The following PTPRD variants were observed in gnomAD, a reference collection of about 807,000 sequenced individuals.
PTPRD encodes receptor-type tyrosine-protein phosphatase delta.
In PTPRD, 34 loss-of-function variants were observed where a neutral mutation model predicts 214.5. The observed-to-expected ratio is 0.16, with a 90% CI of 0.12 to 0.21. The LOEUF is 0.21. Ranked by LOEUF, PTPRD falls within the 10% of genes least tolerant of loss-of-function variation. The probability of loss-of-function intolerance (pLI) is 1.00; values close to 1 mark genes in which losing one functional copy is unlikely to be tolerated. For missense variants in PTPRD, 2,545 were observed against 2,398.7 expected, an observed-to-expected ratio of 1.06 and a Z score of -1.27; for synonymous variants, 1,128 against 845.7, an observed-to-expected ratio of 1.33 and a Z score of -5.79.
At chr9:9,859,767 G>C (rs2062314120) in intron 5 of PTPRD, among the ~76,000 whole-genome samples, 1 of 152,114 alleles carries the variant, frequency 6.6e-6, no homozygotes, top group African/African-American at 2.4e-5. Flanking sequence ...TCAGACTCTG[G>C]AATACGGTAT....
intron 4 of PTPRD, among the ~76,000 whole-genome samples, chr9:9,973,137 G>A (rs1018907777): frequency 2.0e-5 from 3 of 151,744 alleles, no homozygotes; most frequent in African/African-American, 7.3e-5. Flanking sequence ...TCTCCAACAG[G>A]GTTAACTTTT....
At chr9:10,006,626 T>C (rs1480485879) in intron 4 of PTPRD, among the ~76,000 whole-genome samples, 1 of 151,934 alleles carries the variant, frequency 6.6e-6, no homozygotes, top group Non-Finnish European at 1.5e-5. Flanking sequence ...GCAGGGTGTG[T>C]CCCTATGTCA....
At chr9:9,051,430 A>G (rs1054218327) in intron 10 of PTPRD, among the ~76,000 whole-genome samples, 1 of 152,180 alleles carries the variant, frequency 6.6e-6, no homozygotes, top group African/African-American at 2.4e-5. Context: ...GCATATCTCT[A>G]CATGCATTGA....
At chr9:8,323,183 A>G (rs73428153) in intron 44 of PTPRD, among the ~76,000 whole-genome samples, 1 of 152,174 alleles carries the variant, frequency 6.6e-6, no homozygotes, top group African/African-American at 2.4e-5. Flanking sequence ...CCTACTGCTT[A>G]GAATAAAAGA....
At chr9:9,837,911 C>G (rs1249561230) in intron 5 of PTPRD, among the ~76,000 whole-genome samples, 1 of 152,140 alleles carries the variant, frequency 6.6e-6, no homozygotes, top group African/African-American at 2.4e-5. Flanking sequence ...AATGTTATCC[C>G]TCCCCACTCC....
intron 26 of PTPRD, among the ~76,000 whole-genome samples, chr9:8,493,341 C>T (rs868851848): frequency 6.6e-6 from 1 of 152,164 alleles, no homozygotes; most frequent in Non-Finnish European, 1.5e-5. Flanking sequence ...TATAATAGGA[C>T]CCCATAGGAT....
chr9:8,527,631 T>C (rs924528717), intron 15 of PTPRD, among the ~76,000 whole-genome samples: 10 of 152,138 alleles, frequency 6.6e-5, no homozygotes, highest in African/African-American at 2.4e-4. Context: ...TAGAATTCTA[T>C]ACCAATATTA....
intron 9 of PTPRD, among the ~76,000 whole-genome samples, chr9:9,286,870 C>CTGAA (rs142056981): frequency 0.021 from 1,561 of 73,658 alleles, 140 homozygotes; most frequent in Non-Finnish European, 0.034. Context: ...CTTGAAACTA[C>CTGAA]TGAATATATA....
At chr9:9,907,361 G>A (rs1601705283) in intron 5 of PTPRD, among the ~76,000 whole-genome samples, 2 of 152,008 alleles carry the variant, frequency 1.3e-5, no homozygotes, top group South Asian at 2.1e-4. Context: ...GGTGGCTGAA[G>A]CAATAGAAAT....
At chr9:8,448,402 C>G (rs2095818558) in intron 34 of PTPRD, among the ~76,000 whole-genome samples, 2 of 152,080 alleles carry the variant, frequency 1.3e-5, no homozygotes, top group South Asian at 4.1e-4. Context: ...TAGTATCCAC[C>G]TATTTCAAAA....
intron 9 of PTPRD, among the ~76,000 whole-genome samples, chr9:9,389,056 G>C (rs915189102): frequency 1.1e-4 from 16 of 152,214 alleles, no homozygotes; most frequent in African/African-American, 3.4e-4. Flanking sequence ...AACTTTTTCT[G>C]TGCCTCATTT....
chr9:9,786,430 G>A (rs1452799811), intron 5 of PTPRD, among the ~76,000 whole-genome samples: 1 of 152,200 alleles, frequency 6.6e-6, no homozygotes, highest in Admixed American at 6.5e-5. Context: ...ATAATGGTAT[G>A]AGGTCATATA....
intron 14 of PTPRD, among the ~76,000 whole-genome samples, chr9:8,612,590 G>A (rs1005303158): frequency 1.3e-5 from 2 of 152,198 alleles, no homozygotes; most frequent in East Asian, 3.9e-4. Context: ...AAGCAAGACA[G>A]AAGAATAAGT....
At chr9:10,416,736 G>T (rs6474548) in intron 2 of PTPRD, among the ~76,000 whole-genome samples, 1 of 151,456 alleles carries the variant, frequency 6.6e-6, no homozygotes, top group African/African-American at 2.4e-5. Context: ...GTATCTCTGT[G>T]GAGATTGCAA....
At chr9:9,933,636 T>G (rs2087802993) in intron 5 of PTPRD, among the ~76,000 whole-genome samples, 1 of 149,498 alleles carries the variant, frequency 6.7e-6, no homozygotes, top group Non-Finnish European at 1.5e-5. Flanking sequence ...ATGGGAGACT[T>G]TAACACCCCA....
intron 7 of PTPRD, among the ~76,000 whole-genome samples, chr9:9,580,055 G>A (rs945082176): frequency 2.6e-5 from 4 of 151,964 alleles, no homozygotes. Flanking sequence ...GCCGAATAGT[G>A]TTCCATACTA....
chr9:10,329,339 C>G (rs902674387), intron 3 of PTPRD, among the ~76,000 whole-genome samples: 1 of 151,750 alleles, frequency 6.6e-6, no homozygotes, highest in African/African-American at 2.4e-5. Flanking sequence ...AGAAAGCGAA[C>G]TGGGAATTAA....
chr9:8,998,651 A>G (rs1055375989), intron 11 of PTPRD, among the ~76,000 whole-genome samples: 1 of 152,172 alleles, frequency 6.6e-6, no homozygotes, highest in East Asian at 1.9e-4. Flanking sequence ...ATCAACACTT[A>G]AGTCTTATTA....
Position 10,231,822 on chromosome 9 carries a change from G to C in PTPRD, c.-545+109141C>G, listed in dbSNP as rs993001048. Among the ~76,000 whole-genome samples the C allele has an allele frequency of 9.9e-5, 15 of 151,888 alleles. No homozygotes were observed. The South Asian group carries it at 1.0e-3, about 10-fold the overall frequency. ...GTGATTCCCAATGTGGTGGTATTGG[G>C]AAGCAGGGCCCTGTGGAGGTATTTG... On this transcript the variant is annotated intron_variant, in intron 3 of 45. Transcript: ENST00000381196.
Sources: allele counts gnomAD v4.1 joint callset (sites outside exome capture counted in the v4.1 genomes callset), GRCh38; gene constraint gnomAD v4.1.1; transcripts MANE v1.5; gene names NCBI Gene and HGNC (gene_info 2026-07-23, HGNC 2026-07-21).